The following DDX60L variants were observed in gnomAD, a reference collection of about 807,000 sequenced individuals.
The protein encoded by DDX60L is probable ATP-dependent RNA helicase DDX60-like.
Under a neutral mutation model 211.6 loss-of-function variants are expected in DDX60L, and 191 were observed. The observed-to-expected ratio is 0.90, with a 90% CI of 0.80 to 1.02. The LOEUF (loss-of-function observed/expected upper bound fraction) is 1.02. DDX60L is among the 50% of genes least tolerant of loss of function. The pLI, the probability that DDX60L is intolerant of heterozygous loss-of-function variation, is 0.00. For synonymous variants in DDX60L, 706 were observed against 694.1 expected (o/e 1.02, Z -0.27); for missense variants, 2,007 against 1,984.1 (o/e 1.01, Z -0.22).
At chr4:168,421,198 G>C (rs982190445) in intron 17 of DDX60L, among the ~76,000 whole-genome samples, 1 of 151,864 alleles carries the variant, frequency 6.6e-6, no homozygotes, top group African/African-American at 2.4e-5. Context: ...GAGAGAGAAA[G>C]AAAGAAAGGG....
chr4:168,420,472 A>G (rs1457324844), intron 17 of DDX60L, 92 bp from the exon 18 acceptor site: 13 of 100,860 alleles, frequency 1.3e-4, no homozygotes, highest in Admixed American at 9.1e-4. Context: ...ATACACACAC[A>G]CACACACACA....
At chr4:168,422,968 A>AC (rs55853020) in intron 15 of DDX60L, among the ~76,000 whole-genome samples, 20,181 of 68,692 alleles carry the variant, frequency 0.29, 1,858 homozygotes, top group South Asian at 0.37. Context: ...TGTGGCTAAT[A>AC]TTGTGTGTGT....
intron 3 of DDX60L, 85 bp downstream of exon 3, chr4:168,472,370 T>C: frequency 2.0e-6 from 2 of 978,506 alleles, no homozygotes; most frequent in Non-Finnish European, 1.5e-6. Context: ...TGAGTGATCA[T>C]GTATATGTAT....
At chr4:168,382,284 A>C (rs1174854299) in intron 30 of DDX60L, among the ~76,000 whole-genome samples, 6 of 152,234 alleles carry the variant, frequency 3.9e-5, no homozygotes, top group African/African-American at 1.4e-4. Context: ...TTTAAAAAGC[A>C]AACACTTACC....
chr4:168,421,230 T>G (rs937773181), intron 17 of DDX60L, among the ~76,000 whole-genome samples: 3 of 152,164 alleles, frequency 2.0e-5, no homozygotes, highest in African/African-American at 7.2e-5. Context: ...AATGTAAATT[T>G]TTAAAAAATT....
intron 37 of DDX60L, among the ~76,000 whole-genome samples, chr4:168,358,528 T>TTTTTTTTTTTTTTTTTTTTC (rs1738534938): frequency 6.2e-5 from 2 of 32,398 alleles, no homozygotes; most frequent in Non-Finnish European, 1.8e-4. Flanking sequence ...CTTTTTCTTT[T>TTTTTTTTTTTTTTTTTTTTC]TTTTTTTTTT....
At chr4:168,425,690 A>G (rs1751342352) in intron 14 of DDX60L, among the ~76,000 whole-genome samples, 1 of 152,114 alleles carries the variant, frequency 6.6e-6, no homozygotes, top group Non-Finnish European at 1.5e-5. Flanking sequence ...TGAAGCTTGA[A>G]TCTGGGAGGT....
chr4:168,423,560 T>A, intron 15 of DDX60L, 48 bp downstream of exon 15: 1 of 1,394,260 alleles, frequency 7.2e-7, no homozygotes, highest in African/African-American at 1.5e-5. Context: ...TTCTTCCATA[T>A]TAAAATTGAG....
chr4:168,434,146 T>A (rs1561065767), intron 10 of DDX60L, among the ~76,000 whole-genome samples: 3 of 152,134 alleles, frequency 2.0e-5, no homozygotes, highest in African/African-American at 7.2e-5. Context: ...TGTGCATAGA[T>A]GCGTGAGTGT....
intron 37 of DDX60L, among the ~76,000 whole-genome samples, chr4:168,359,275 A>C (rs1387322): frequency 0.82 from 125,324 of 152,138 alleles, 51,785 homozygotes; most frequent in African/African-American, 0.88. Flanking sequence ...AGTTTCAGAC[A>C]TATTATTCTA....
Position 168,361,218 on chromosome 4 carries a change from A to C in DDX60L, c.4929-7T>G. 2 of 1,558,628 alleles carry C rather than the reference A, an allele frequency of 1.3e-6. No homozygotes were observed. Among genetic ancestry groups the C allele is most frequent in the Non-Finnish European group, 1.8e-6 (2 of 1,134,376 alleles). On this transcript the variant is annotated splice_region_variant and splice_polypyrimidine_tract_variant and intron_variant, in intron 36 of 37. Coordinates refer to ENST00000682922, the MANE Select transcript of DDX60L (RefSeq NM_001012967.3). ...AAGCTGTCCCATACGCATCCTAAAG[A>C]GAACAACATTTCTTAATTAAAAAGT...
chr4:168,384,141 G>A (rs997655921), intron 30 of DDX60L, among the ~76,000 whole-genome samples: 2 of 152,114 alleles, frequency 1.3e-5, no homozygotes, highest in African/African-American at 2.4e-5. Flanking sequence ...TCCTCAGCTT[G>A]CAGATGGCCT....
intron 36 of DDX60L, among the ~76,000 whole-genome samples, chr4:168,364,649 G>T (rs1444220522): frequency 6.6e-6 from 1 of 152,154 alleles, no homozygotes; most frequent in Non-Finnish European, 1.5e-5. Flanking sequence ...CCAAAGTGCT[G>T]GGATTACAGG....
intron 31 of DDX60L, 31 bp downstream of exon 31, chr4:168,379,693 TAC>T (rs1483944669): frequency 1.3e-6 from 2 of 1,544,032 alleles, no homozygotes; most frequent in Non-Finnish European, 1.8e-6. Context: ...CGGTACTAGT[TAC>T]AGAGAACAAA....
chr4:168,459,300 A>G (rs901088887), intron 5 of DDX60L, among the ~76,000 whole-genome samples: 1 of 152,064 alleles, frequency 6.6e-6, no homozygotes, highest in Admixed American at 6.5e-5. Flanking sequence ...AGCCTGGGCA[A>G]CATAGCGAGA....
At chr4:168,427,523 T>C (rs1254159892) in intron 13 of DDX60L, among the ~76,000 whole-genome samples, 1 of 152,222 alleles carries the variant, frequency 6.6e-6, no homozygotes, top group Non-Finnish European at 1.5e-5. Context: ...AAATGTAAAT[T>C]GCCTCTTACT....
At chr4:168,361,785 A>G (rs886186364) in intron 36 of DDX60L, among the ~76,000 whole-genome samples, 1 of 152,200 alleles carries the variant, frequency 6.6e-6, no homozygotes, top group Admixed American at 6.5e-5. Flanking sequence ...TCTTGCTACA[A>G]GAGAGTCTCC....
intron 1 of DDX60L, among the ~76,000 whole-genome samples, chr4:168,478,126 G>C (rs542378000): frequency 6.6e-6 from 1 of 151,640 alleles, no homozygotes; most frequent in Non-Finnish European, 1.5e-5. Flanking sequence ...AAGAAGGAAG[G>C]GAGCCAAGAA....
chr4:168,361,243 T>G, intron 36 of DDX60L, 32 bp from the exon 37 acceptor site: 1 of 1,406,420 alleles, frequency 7.1e-7, no homozygotes, highest in Non-Finnish European at 9.9e-7. Context: ...AATTAAAAAG[T>G]ATAAAAACAT....
Sources: gnomAD v4.1 joint callset for allele counts (sites outside exome capture counted in the v4.1 genomes callset) on GRCh38, gnomAD v4.1.1 for gene constraint, MANE v1.5 for transcripts, NCBI Gene and HGNC (gene_info 2026-07-23, HGNC 2026-07-21) for gene names.